Variants in ALK observed in about 807,000 individuals in gnomAD.
ALK encodes ALK tyrosine kinase receptor.
Under a neutral mutation model 163.1 loss-of-function variants are expected in ALK, and 74 were observed. The observed-to-expected ratio is 0.45, with a 90% CI of 0.38 to 0.55. ALK has a LOEUF of 0.55. Ranked by LOEUF, ALK falls within the 20% of genes least tolerant of loss-of-function variation. The probability of loss-of-function intolerance (pLI) is 0.00; values close to 1 mark genes in which losing one functional copy is unlikely to be tolerated. For synonymous variants in ALK, 960 were observed against 843.2 expected, an observed-to-expected ratio of 1.14 and a Z score of -2.40; for missense variants, 2,063 against 2,105.3, an observed-to-expected ratio of 0.98 and a Z score of 0.39.
chr2:29,304,195 C>CTTG (rs2148237043), intron 8 of ALK, among the ~76,000 whole-genome samples: 1 of 152,264 alleles, frequency 6.6e-6, no homozygotes, highest in Admixed American at 6.5e-5. Flanking sequence ...TACCTGGGAC[C>CTTG]TTGTTAGAAA....
intron 3 of ALK, among the ~76,000 whole-genome samples, chr2:29,644,733 A>C (rs17008384): frequency 0.14 from 20,531 of 151,838 alleles, 2,824 homozygotes; most frequent in African/African-American, 0.35. Context: ...AAAAAAAAAC[A>C]AAAAGCTCAA....
intron 15 of ALK, among the ~76,000 whole-genome samples, chr2:29,231,942 T>G (rs1306755409): frequency 6.6e-6 from 1 of 152,148 alleles, no homozygotes; most frequent in Non-Finnish European, 1.5e-5. Flanking sequence ...AGGCCTGACA[T>G]TGCCCAGATT....
intron 3 of ALK, among the ~76,000 whole-genome samples, chr2:29,570,484 C>A (rs1188775279): frequency 6.6e-6 from 1 of 152,186 alleles, no homozygotes; most frequent in African/African-American, 2.4e-5. Flanking sequence ...AACATTAGAA[C>A]AGAAAGTGTT....
chr2:29,282,079 G>A (rs991019219), intron 9 of ALK, among the ~76,000 whole-genome samples: 10 of 152,188 alleles, frequency 6.6e-5, no homozygotes, highest in East Asian at 3.8e-4. Context: ...TTGCCAGCTG[G>A]GCACCATGTC....
chr2:29,787,525 C>A (rs1280120886), intron 1 of ALK, among the ~76,000 whole-genome samples: 3 of 152,166 alleles, frequency 2.0e-5, no homozygotes, highest in Non-Finnish European at 4.4e-5. Flanking sequence ...TTGGAGCTCA[C>A]AGCAATATGA....
At chr2:29,207,104 G>C (rs2148151728) in intron 26 of ALK, 67 bp downstream of exon 26, 3 of 1,237,180 alleles carry the variant, frequency 2.4e-6, no homozygotes, top group Non-Finnish European at 3.6e-6. Flanking sequence ...TTAGAGTATA[G>C]AGTCCTTTGG....
intron 8 of ALK, among the ~76,000 whole-genome samples, chr2:29,300,598 A>G (rs986549266): frequency 6.6e-6 from 1 of 151,818 alleles, no homozygotes; most frequent in Non-Finnish European, 1.5e-5. Context: ...AGTCAAGGCG[A>G]AAAATTCTAA....
At chr2:29,698,194 G>T (rs1678628760) in intron 2 of ALK, among the ~76,000 whole-genome samples, 1 of 152,166 alleles carries the variant, frequency 6.6e-6, no homozygotes, top group Admixed American at 6.6e-5. Flanking sequence ...TTGGTGTCCA[G>T]GAACCACAGG....
At chr2:29,540,472 T>TCAAACTA (rs1673383542) in intron 3 of ALK, among the ~76,000 whole-genome samples, 1 of 152,116 alleles carries the variant, frequency 6.6e-6, no homozygotes, top group Non-Finnish European at 1.5e-5. Flanking sequence ...CTATGCTTTA[T>TCAAACTA]ATGAATAATC....
At chr2:29,280,088 T>G (rs1665668540) in intron 9 of ALK, among the ~76,000 whole-genome samples, 1 of 152,134 alleles carries the variant, frequency 6.6e-6, no homozygotes, top group Admixed American at 6.5e-5. Flanking sequence ...AGTCCTGGCA[T>G]GTACCAGGTG....
chr2:29,212,322 A>T (rs939396667), intron 24 of ALK, among the ~76,000 whole-genome samples: 1 of 152,190 alleles, frequency 6.6e-6, no homozygotes, highest in Non-Finnish European at 1.5e-5. Flanking sequence ...GATTTATGGA[A>T]AGTTCTGGGT....
At chr2:29,485,640 A>C (rs537065267) in intron 4 of ALK, among the ~76,000 whole-genome samples, 7 of 152,282 alleles carry the variant, frequency 4.6e-5, no homozygotes, top group Non-Finnish European at 8.8e-5. Flanking sequence ...AGAATTTTGT[A>C]CTTGAAGGCT....
intron 5 of ALK, among the ~76,000 whole-genome samples, chr2:29,376,852 C>G (rs548613264): frequency 6.6e-6 from 1 of 152,232 alleles, no homozygotes; most frequent in African/African-American, 2.4e-5. Context: ...CAGCTTCTTT[C>G]GTTTCCTCTT....
intron 3 of ALK, among the ~76,000 whole-genome samples, chr2:29,651,232 G>A (rs968497159): frequency 5.3e-5 from 8 of 152,206 alleles, no homozygotes; most frequent in South Asian, 2.1e-4. Context: ...TGGGGGCTGC[G>A]CTTCAAGCTG....
chr2:29,275,564 A>C (rs1485450730), intron 9 of ALK, 68 bp from the exon 10 acceptor site: 1 of 1,527,164 alleles, frequency 6.5e-7, no homozygotes, highest in African/African-American at 1.4e-5. Context: ...TTCAGCATCC[A>C]GCAGGTGTGT....
chr2:29,498,214 A>C (rs1161764518), intron 4 of ALK, among the ~76,000 whole-genome samples: 2 of 152,176 alleles, frequency 1.3e-5, no homozygotes, highest in Non-Finnish European at 2.9e-5. Flanking sequence ...ATTAATGCCC[A>C]AATATGACCT....
At chr2:29,683,205 C>T (rs62129333) in intron 3 of ALK, among the ~76,000 whole-genome samples, 9,964 of 151,960 alleles carry the variant, frequency 0.066, 379 homozygotes, top group Middle Eastern at 0.12. Flanking sequence ...CATGAAACCC[C>T]GTCTCTAATA....
chr2:29,325,345 C>T (rs1038486319), intron 6 of ALK, among the ~76,000 whole-genome samples: 1 of 152,168 alleles, frequency 6.6e-6, no homozygotes, highest in Non-Finnish European at 1.5e-5. Context: ...AACCATCCCC[C>T]TGAAGAAAAT....
intron 1 of ALK, among the ~76,000 whole-genome samples, chr2:29,831,068 A>G (rs1474233762): frequency 4.2e-5 from 1 of 24,050 alleles, no homozygotes; most frequent in African/African-American, 1.4e-4. Context: ...AAGGGGAGGA[A>G]GGGGAGGAGG....
Sources: allele counts gnomAD v4.1 joint callset (sites outside exome capture counted in the v4.1 genomes callset), GRCh38; gene constraint gnomAD v4.1.1; transcripts MANE v1.5; gene names NCBI Gene and HGNC (gene_info 2026-07-23, HGNC 2026-07-21).